Variants in HDAC2 observed in about 807,000 individuals in gnomAD.
HDAC2 encodes histone deacetylase 2.
HDAC2 carries 5 observed loss-of-function variants against 68.5 expected under a neutral mutation model. That is an observed-to-expected ratio of 0.07 (90% CI 0.04 to 0.15). The LOEUF (loss-of-function observed/expected upper bound fraction) is 0.15. Among genes scored for constraint, HDAC2 ranks in the 10% least tolerant of loss-of-function variants. The probability of loss-of-function intolerance (pLI) is 1.00; values close to 1 mark genes in which losing one functional copy is unlikely to be tolerated. For synonymous variants in HDAC2, 182 were observed against 191.3 expected (o/e 0.95, Z 0.40); for missense variants, 291 against 600.8 (o/e 0.48, Z 5.39).
At chr6:113,946,329 A>G (rs1776263145) in intron 8 of HDAC2, 181 bp from the exon 9 acceptor site, 1 of 454,274 alleles carries the variant, frequency 2.2e-6, no homozygotes, top group African/African-American at 2.0e-5. Flanking sequence ...CACGTTATAC[A>G]ATAATACATA....
Position 113,970,570 on chromosome 6 carries a change from G to A in HDAC2, c.52+287C>T, listed in dbSNP as rs1032394814. ...CACCAAGGCGGGGTAGGCCGGCGCC[G>A]TCCCCAGCGGCGGCCACCTTCGAGG... On this transcript the variant is annotated intron_variant, in intron 1 of 13. Coordinates refer to ENST00000519065, the MANE Select transcript of HDAC2 (RefSeq NM_001527.4). 1.5e-5 allele frequency: 19 copies of A among 1,246,128 alleles called. No homozygotes were observed. The African/African-American group carries it at 2.7e-4, about 18-fold the overall frequency. The allele number at this position is 1,246,128 out of a possible 1,614,324, so 77.2% of individuals were successfully genotyped here. A position where few individuals can be genotyped will look rare whatever the true frequency, so the allele number is the denominator to read the frequency against.
At chr6:113,952,575 T>C (rs1776445413) in intron 6 of HDAC2, among the ~76,000 whole-genome samples, 1 of 152,194 alleles carries the variant, frequency 6.6e-6, no homozygotes, top group African/African-American at 2.4e-5. Flanking sequence ...TAATCCAGGC[T>C]GAACTAAAAA....
chr6:113,956,786 C>T, intron 3 of HDAC2, 93 bp from the exon 4 acceptor site: 1 of 863,928 alleles, frequency 1.2e-6, no homozygotes, highest in Non-Finnish European at 1.9e-6. Flanking sequence ...TACTTTTTTG[C>T]TTGATGCAAT....
rs1306656899 is a variant in HDAC2 at position 113,953,468 on chromosome 6, G to A, written c.498-50C>T. On this transcript the variant is annotated intron_variant, in intron 5 of 13. Transcript: ENST00000519065. The stretch of plus-strand genomic sequence containing the variant: ...GTTTTTCCTTTAAAGGTTCTAAGAT[G>A]GGAAGAAGCACCACAAATTCAGGAA... 6.2e-6 allele frequency: 7 copies of A among 1,135,148 alleles called. No homozygotes were observed. The Admixed American group carries it at 8.9e-5, about 14-fold the overall frequency. 70.3% of individuals were successfully genotyped at this position (1,135,148 alleles called of 1,614,324 possible).
chr6:113,943,887 G>T (rs1438662876), intron 11 of HDAC2, among the ~76,000 whole-genome samples: 1 of 152,082 alleles, frequency 6.6e-6, no homozygotes, highest in Non-Finnish European at 1.5e-5. Flanking sequence ...TACCAAATAT[G>T]TTAGACAGTC....
In HDAC2 at chr6:113,938,662, A is replaced by AT. The variant is rs1479116007; in HGVS notation, c.*2395dup. The AT allele has an allele frequency of 1.3e-5, 2 of 152,122 alleles. No homozygotes were observed. Among genetic ancestry groups the AT allele is most frequent in the Non-Finnish European group, 2.9e-5 (2 of 68,026 alleles). The allele number at this position is 152,122 out of a possible 1,614,324, so 9.4% of individuals were successfully genotyped here. ...CAAATATCATTTTTATCCTATATGA[A>AT]TTTTTTAAAGTATTAGGGTATTCTG... is the stretch of plus-strand genomic sequence containing the variant. On this transcript the variant is annotated 3_prime_UTR_variant, in exon 14 of 14. Transcript: ENST00000519065.
chr6:113,958,825 C>T (rs1776614872), intron 2 of HDAC2, 59 bp from the exon 3 acceptor site: 2 of 961,584 alleles, frequency 2.1e-6, no homozygotes, highest in Non-Finnish European at 3.3e-6. Flanking sequence ...TCAGTATTAT[C>T]AAACAAATAT....
chr6:113,940,982 A>G lies in HDAC2; in HGVS notation c.*76T>C. 3 of 1,139,216 alleles carry G rather than the reference A, an allele frequency of 2.6e-6. No homozygotes were observed. The highest frequency in any genetic ancestry group is 3.9e-6 in the Non-Finnish European group (3 of 763,868). The allele number at this position is 1,139,216 out of a possible 1,614,324, so 70.6% of individuals were successfully genotyped here. ...CAAAGTAGTATAAAATGAAGCCAGA[A>G]GTCTTCAAAAAGAAAACATTTTCCT... On this transcript the variant is annotated 3_prime_UTR_variant, in exon 14 of 14. Transcript: ENST00000519065.
At position 113,944,272 on chromosome 6, in the gene HDAC2, TA is replaced by T. The variant is rs989228615; in HGVS notation, c.1222+7del. The T allele has an allele frequency of 2.5e-6, 4 of 1,609,130 alleles. No homozygotes were observed. The highest frequency in any genetic ancestry group is 3.4e-6 in the Non-Finnish European group (4 of 1,175,724). On this transcript the variant is annotated splice_region_variant and intron_variant, in intron 11 of 13. Transcript: ENST00000519065. ...TGACAAATTGGAAAAATAAAGGCAT[TA>T]TCTTACTAGAAATTCTCTTGTCTGG...
At position 113,940,840 on chromosome 6, in the gene HDAC2, T is replaced by C; in HGVS notation, c.*218A>G. 2.3e-6 allele frequency: 1 copy of C among 429,164 alleles called. No individual in the cohort carries two copies. 26.6% of individuals were successfully genotyped at this position (429,164 alleles called of 1,614,324 possible). A position where few individuals can be genotyped will look rare whatever the true frequency, so the allele number is the denominator to read the frequency against. On this transcript the variant is annotated 3_prime_UTR_variant, in exon 14 of 14. Transcript: ENST00000519065. Reference sequence around the variant, plus strand: ...TAACTCACATCAATTTTAAATACTATCACATAAAGCATGGTGGAGAAAAGA... The same window carrying C: ...TAACTCACATCAATTTTAAATACTACCACATAAAGCATGGTGGAGAAAAGA...
chr6:113,947,840 T>G (rs901104203), intron 8 of HDAC2: 3 of 152,146 alleles, frequency 2.0e-5, no homozygotes, highest in African/African-American at 7.2e-5. Flanking sequence ...AAGAAGCTTT[T>G]AATATCTGTA....
intron 12 of HDAC2, 75 bp downstream of exon 12, chr6:113,943,276 T>C: frequency 8.3e-7 from 1 of 1,200,128 alleles, no homozygotes; most frequent in Non-Finnish European, 1.2e-6. Context: ...GACTTCTCGA[T>C]AGCATAAACA....
rs561115703 is a variant in HDAC2, at chr6:113,940,163, A to C, written c.*895T>G. The C allele has an allele frequency of 1.9e-4, 29 of 152,344 alleles. No individual in the cohort carries two copies. Among genetic ancestry groups the C allele is most frequent in the African/African-American group, 6.7e-4 (28 of 41,588 alleles). 9.4% of individuals were successfully genotyped at this position (152,344 alleles called of 1,614,324 possible). A position where few individuals can be genotyped will look rare whatever the true frequency, so the allele number is the denominator to read the frequency against. On this transcript the variant is annotated 3_prime_UTR_variant, in exon 14 of 14. Coordinates refer to ENST00000519065, the MANE Select transcript of HDAC2 (RefSeq NM_001527.4). Reference sequence around the variant, plus strand: ...TATTCAGTTACACTCCTACAGTCTTAAAATGGGCAGACACACAATAAGTAG... The same window carrying C: ...TATTCAGTTACACTCCTACAGTCTTCAAATGGGCAGACACACAATAAGTAG...
chr6:113,962,182 T>C (rs1320491623), intron 1 of HDAC2, among the ~76,000 whole-genome samples: 1 of 152,236 alleles, frequency 6.6e-6, no homozygotes, highest in East Asian at 1.9e-4. Flanking sequence ...AATAACCTTA[T>C]GATGTGGGTA....
Position 113,939,591 on chromosome 6 carries a change from A to G in HDAC2, c.*1467T>C, listed in dbSNP as rs1055091969. 2 of 152,220 alleles carry G rather than the reference A, an allele frequency of 1.3e-5. No individual in the cohort carries two copies. The highest frequency in any genetic ancestry group is 2.4e-5 in the African/African-American group (1 of 41,458). 9.4% of individuals were successfully genotyped at this position (152,220 alleles called of 1,614,324 possible). On this transcript the variant is annotated 3_prime_UTR_variant, in exon 14 of 14. Coordinates refer to ENST00000519065, the MANE Select transcript of HDAC2 (RefSeq NM_001527.4). ...TAATGTCATAAAGGTTTACAGATTG[A>G]TAACAAATATGTAGCAAAAGTACAA...
intron 12 of HDAC2, among the ~76,000 whole-genome samples, chr6:113,942,781 C>T (rs1285871387): frequency 6.6e-6 from 1 of 152,124 alleles, no homozygotes; most frequent in East Asian, 1.9e-4. Flanking sequence ...AATTCAATTG[C>T]CTAAAGCTAA....
chr6:113,948,683 T>TA (rs1002855856), intron 8 of HDAC2: 7 of 285,836 alleles, frequency 2.4e-5, no homozygotes, highest in African/African-American at 8.8e-5. Context: ...TCCAATTAAG[T>TA]AAAAAAGTAT....
intron 1 of HDAC2, among the ~76,000 whole-genome samples, chr6:113,963,839 G>A (rs1431791326): frequency 6.6e-6 from 1 of 152,120 alleles, no homozygotes; most frequent in African/African-American, 2.4e-5. Flanking sequence ...TTACTGTAAA[G>A]AATTATTTAT....
intron 1 of HDAC2, 67 bp downstream of exon 1, chr6:113,970,790 C>T (rs1216867915): frequency 3.7e-5 from 53 of 1,446,756 alleles, no homozygotes; most frequent in Non-Finnish European, 4.3e-5. Flanking sequence ...CGCCCACTCG[C>T]GACGGCAGCC....
Sources: allele counts gnomAD v4.1 joint callset (sites outside exome capture counted in the v4.1 genomes callset), GRCh38; gene constraint gnomAD v4.1.1; transcripts MANE v1.5; gene names NCBI Gene and HGNC (gene_info 2026-07-23, HGNC 2026-07-21).